Variants in ZWILCH observed in about 807,000 individuals in gnomAD.
ZWILCH encodes the protein protein zwilch homolog.
A neutral mutation model predicts 79.9 loss-of-function variants in ZWILCH; 74 were observed. The observed-to-expected ratio is 0.93, with a 90% CI of 0.77 to 1.12. ZWILCH has a LOEUF of 1.12. Among genes scored for constraint, ZWILCH ranks in the 50% most tolerant of loss-of-function variants. The pLI is 0.00. For synonymous variants in ZWILCH, 241 were observed against 228.2 expected, an observed-to-expected ratio of 1.06 and a Z score of -0.51; for missense variants, 694 against 687.5, an observed-to-expected ratio of 1.01 and a Z score of -0.11.
At chr15:66,533,358 T>C (rs1384022832) in intron 14 of ZWILCH, among the ~76,000 whole-genome samples, 15 of 152,224 alleles carry the variant, frequency 9.9e-5, no homozygotes. Context: ...TATTCATTTA[T>C]ATTACACTTG....
At chr15:66,547,584 A>G (rs1895424041) in intron 18 of ZWILCH, 1 of 152,142 alleles carries the variant, frequency 6.6e-6, no homozygotes, top group Admixed American at 6.6e-5. Context: ...AGTTACCTAG[A>G]AGATAAATAA....
intron 8 of ZWILCH, among the ~76,000 whole-genome samples, chr15:66,526,387 A>G (rs1260710154): frequency 6.6e-6 from 1 of 152,046 alleles, no homozygotes; most frequent in Non-Finnish European, 1.5e-5. Context: ...TTTTCCTGCC[A>G]GCCTATGGTT....
chr15:66,532,693 C>G (rs1161785820), intron 13 of ZWILCH, among the ~76,000 whole-genome samples: 1 of 151,760 alleles, frequency 6.6e-6, no homozygotes, highest in African/African-American at 2.4e-5. Flanking sequence ...TTATGAGATG[C>G]TGTTTTAATA....
intron 2 of ZWILCH, among the ~76,000 whole-genome samples, chr15:66,510,356 C>T (rs893052378): frequency 6.8e-6 from 1 of 147,450 alleles, no homozygotes; most frequent in Non-Finnish European, 1.5e-5. Flanking sequence ...CACTGCACTC[C>T]AGCCTGGGCG....
intron 13 of ZWILCH, 60 bp from the exon 14 acceptor site, chr15:66,532,925 A>G: frequency 1.8e-6 from 2 of 1,124,668 alleles, no homozygotes; most frequent in Non-Finnish European, 2.4e-6. Flanking sequence ...ATTAATTTCT[A>G]TTAATATGTA....
intron 8 of ZWILCH, among the ~76,000 whole-genome samples, chr15:66,525,056 G>A (rs1205054653): frequency 6.6e-6 from 1 of 152,144 alleles, no homozygotes; most frequent in Non-Finnish European, 1.5e-5. Flanking sequence ...TGCTTCAAGA[G>A]TCAGTATGTC....
At chr15:66,515,770 G>A (rs1250238615) in intron 4 of ZWILCH, 126 bp downstream of exon 4, 4 of 716,390 alleles carry the variant, frequency 5.6e-6, no homozygotes, top group Non-Finnish European at 1.0e-5. Flanking sequence ...CCCCTGATAA[G>A]TATACCCAAC....
intron 7 of ZWILCH, among the ~76,000 whole-genome samples, chr15:66,522,018 T>A (rs1415728329): frequency 6.6e-6 from 1 of 151,918 alleles, no homozygotes; most frequent in East Asian, 1.9e-4. Flanking sequence ...ACGAATATGG[T>A]GAAACCCTGT....
intron 5 of ZWILCH, 51 bp from the exon 6 acceptor site, chr15:66,520,539 C>CA: frequency 1.1e-6 from 1 of 925,206 alleles, no homozygotes. Context: ...GTAGCTCTGA[C>CA]AATGTAATTT....
intron 4 of ZWILCH, among the ~76,000 whole-genome samples, chr15:66,515,853 T>C (rs773455435): frequency 3.9e-5 from 6 of 152,180 alleles, no homozygotes; most frequent in Non-Finnish European, 7.4e-5. Context: ...ATCTTCCCTT[T>C]CTCTACACCT....
In ZWILCH at chr15:66,517,430, G is replaced by GTGTGTGTGTGTGTATATATA; in HGVS notation, c.321-1448_321-1447insGTGTGTGTGTGTATATATAT. Among the ~76,000 whole-genome samples, 59 of 66,510 alleles carry GTGTGTGTGTGTGTATATATA rather than the reference G, an allele frequency of 8.9e-4. No homozygotes were observed. The East Asian group carries it at 0.016, about 18-fold the overall frequency. The allele number at this position is 66,510 out of a possible 152,430, so 43.6% of individuals were successfully genotyped here. On this transcript the variant is annotated intron_variant, in intron 4 of 18. Transcript: ENST00000307897. ...TGTTTGTGTGTGCGTGTGTGTGTGT[G>GTGTGTGTGTGTGTATATATA]TATATATATATATATATATATATAT...
At chr15:66,537,492 A>G (rs1895052685) in intron 16 of ZWILCH, among the ~76,000 whole-genome samples, 1 of 152,026 alleles carries the variant, frequency 6.6e-6, no homozygotes, top group South Asian at 2.1e-4. Flanking sequence ...GGAGTTCGAG[A>G]CCAGCCTGGC....
At chr15:66,524,178 T>G (rs1894598551) in intron 8 of ZWILCH, among the ~76,000 whole-genome samples, 1 of 152,226 alleles carries the variant, frequency 6.6e-6, no homozygotes, top group South Asian at 2.1e-4. Context: ...ATATGGTAAC[T>G]GTATATTTAC....
At chr15:66,513,507 A>G (rs1013733012) in intron 2 of ZWILCH, among the ~76,000 whole-genome samples, 2 of 151,856 alleles carry the variant, frequency 1.3e-5, no homozygotes, top group African/African-American at 4.8e-5. Context: ...TTGAGGCTGT[A>G]ATGCACTATG....
intron 6 of ZWILCH, 135 bp downstream of exon 6, chr15:66,520,795 A>T (rs1439829370): frequency 1.4e-6 from 1 of 720,820 alleles, no homozygotes; most frequent in Non-Finnish European, 2.3e-6. Context: ...GTTTATTTTC[A>T]TATCAGCTAA....
intron 7 of ZWILCH, among the ~76,000 whole-genome samples, chr15:66,522,639 C>A (rs1297912064): frequency 6.6e-6 from 1 of 151,984 alleles, no homozygotes; most frequent in Non-Finnish European, 1.5e-5. Context: ...ATATTATATA[C>A]AGTCTCTAAA....
chr15:66,548,437 G>T lies in ZWILCH; in HGVS notation c.*113G>T. 1.1e-6 allele frequency: 1 copy of T among 936,442 alleles called. No individual in the cohort carries two copies. 58.0% of individuals were successfully genotyped at this position (936,442 alleles called of 1,614,324 possible). A position where few individuals can be genotyped will look rare whatever the true frequency, so the allele number is the denominator to read the frequency against. On this transcript the variant is annotated 3_prime_UTR_variant, in exon 19 of 19. Coordinates refer to ENST00000307897, the MANE Select transcript of ZWILCH (RefSeq NM_017975.5). ...TATGGAAACCCTCAAAGCAGAAAAGGGAGGAAGATCCTGAAGATTCTCTTA... is the reference window on the plus strand; with the variant it reads ...TATGGAAACCCTCAAAGCAGAAAAGTGAGGAAGATCCTGAAGATTCTCTTA...
At position 66,544,193 on chromosome 15, in the gene ZWILCH, G is replaced by A. The variant is rs150559740; in HGVS notation, c.1688-2398G>A. Among the ~76,000 whole-genome samples the A allele has an allele frequency of 2.1e-3, 318 of 150,844 alleles. 1 individual carries two copies. The highest frequency in any genetic ancestry group is 7.3e-3 in the African/African-American group (300 of 41,012). ...AATTGCTTGAACCTGGGAAGCAGAG[G>A]TTTCAGTGAGCCGATATCACGCCAT... On this transcript the variant is annotated intron_variant, in intron 17 of 18. Coordinates refer to ENST00000307897, the MANE Select transcript of ZWILCH (RefSeq NM_017975.5).
At chr15:66,506,290 GAC>G (rs1481599541) in intron 1 of ZWILCH, among the ~76,000 whole-genome samples, 1 of 152,136 alleles carries the variant, frequency 6.6e-6, no homozygotes, top group Non-Finnish European at 1.5e-5. Context: ...GCATGTCTTG[GAC>G]ATCTTTCATT....
Sources: gnomAD v4.1 joint callset for allele counts (sites outside exome capture counted in the v4.1 genomes callset) on GRCh38, gnomAD v4.1.1 for gene constraint, MANE v1.5 for transcripts, NCBI Gene and HGNC (gene_info 2026-07-23, HGNC 2026-07-21) for gene names.